Variants in SV2C observed in about 807,000 individuals in gnomAD.
SV2C encodes solute carrier family 22 member B3.
Under a neutral mutation model 79.7 loss-of-function variants are expected in SV2C, and 49 were observed. That is an observed-to-expected ratio of 0.61 (90% CI 0.49 to 0.78). The LOEUF (loss-of-function observed/expected upper bound fraction) is 0.78, where lower values mean the gene tolerates loss of function less well. SV2C is among the 30% of genes least tolerant of loss of function. The pLI is 0.00. For missense variants in SV2C, 833 were observed against 912.9 expected, an observed-to-expected ratio of 0.91 and a Z score of 1.13; for synonymous variants, 334 against 333.2, an observed-to-expected ratio of 1.00 and a Z score of -0.03.
intron 4 of SV2C, among the ~76,000 whole-genome samples, chr5:76,281,856 C>G (rs906619457): frequency 3.3e-5 from 5 of 152,174 alleles, no homozygotes; most frequent in Non-Finnish European, 5.9e-5. Context: ...TTACATTGAG[C>G]CCAACCATAT....
chr5:76,078,139 T>C, the SV2C span, among the ~76,000 whole-genome samples: 1 of 152,084 alleles, frequency 6.6e-6, no homozygotes, highest in Admixed American at 6.5e-5. Context: ...GGAGGAGGGA[T>C]GAAGAATGTT....
chr5:76,278,622 G>T (rs1325987955), intron 4 of SV2C, among the ~76,000 whole-genome samples: 1 of 152,200 alleles, frequency 6.6e-6, no homozygotes, highest in Non-Finnish European at 1.5e-5. Context: ...AAAAGGCTTA[G>T]CCCCCAGGAT....
intron 2 of SV2C, among the ~76,000 whole-genome samples, chr5:76,134,126 C>T (rs934754053): frequency 1.3e-5 from 2 of 152,094 alleles, no homozygotes; most frequent in African/African-American, 4.8e-5. Flanking sequence ...TGATGTTACC[C>T]ACCCCCAGGT....
At chr5:76,185,832 C>G (rs1743898722) in intron 2 of SV2C, among the ~76,000 whole-genome samples, 1 of 152,206 alleles carries the variant, frequency 6.6e-6, no homozygotes, top group Admixed American at 6.5e-5. Flanking sequence ...CCATTGAATT[C>G]AGCTCCTGTT....
chr5:75,955,375 A>G, the SV2C span, among the ~76,000 whole-genome samples: 3 of 151,320 alleles, frequency 2.0e-5, no homozygotes, highest in Non-Finnish European at 4.4e-5. Context: ...CCTTCCTTAC[A>G]CCTTACACAA....
At chr5:76,034,608 C>T in the SV2C span, among the ~76,000 whole-genome samples, 3 of 152,140 alleles carry the variant, frequency 2.0e-5, no homozygotes, top group Non-Finnish European at 4.4e-5. Flanking sequence ...CCCACTTGAT[C>T]ATGGTGGATA....
intron 3 of SV2C, among the ~76,000 whole-genome samples, chr5:76,200,457 G>A (rs148312181): frequency 9.3e-4 from 141 of 152,242 alleles, no homozygotes; most frequent in Middle Eastern, 3.4e-3. Flanking sequence ...TTTTAAACTT[G>A]CAACTCTGTA....
At chr5:76,084,616 C>A (rs1747112426) in intron 1 of SV2C, among the ~76,000 whole-genome samples, 1 of 138,702 alleles carries the variant, frequency 7.2e-6, no homozygotes, top group African/African-American at 2.7e-5. Flanking sequence ...GAGGTGCCGC[C>A]TGGACGGCCT....
intron 2 of SV2C, among the ~76,000 whole-genome samples, chr5:76,178,076 CT>C (rs1190790799): frequency 1.3e-5 from 2 of 152,164 alleles, no homozygotes; most frequent in Non-Finnish European, 2.9e-5. Context: ...GAGCACCTAT[CT>C]GTGACCTCTT....
At chr5:76,287,780 G>A (rs532180240) in intron 6 of SV2C, among the ~76,000 whole-genome samples, 14 of 152,248 alleles carry the variant, frequency 9.2e-5, no homozygotes, top group South Asian at 2.1e-4. Flanking sequence ...TTCAATATAC[G>A]CAGTCATATA....
chr5:75,936,599 G>A, the SV2C span, among the ~76,000 whole-genome samples: 32 of 152,296 alleles, frequency 2.1e-4, no homozygotes, highest in African/African-American at 6.3e-4. Context: ...GCTAACAGAT[G>A]CGTTACTTTG....
chr5:76,021,086 G>T, the SV2C span, among the ~76,000 whole-genome samples: 4 of 152,158 alleles, frequency 2.6e-5, no homozygotes, highest in African/African-American at 9.6e-5. Context: ...TGATTGTTTT[G>T]GTTTTCCACC....
chr5:76,165,880 T>A (rs1743030254), intron 2 of SV2C, among the ~76,000 whole-genome samples: 1 of 152,128 alleles, frequency 6.6e-6, no homozygotes, highest in Non-Finnish European at 1.5e-5. Context: ...AAGCAGGAAC[T>A]GAATTGAGAT....
At chr5:75,982,232 TAAAAAG>T in the SV2C span, among the ~76,000 whole-genome samples, 16 of 109,788 alleles carry the variant, frequency 1.5e-4, no homozygotes, top group East Asian at 3.5e-3. Context: ...ATTAAAAAAA[TAAAAAG>T]AAAAAAAAAA....
intron 4 of SV2C, among the ~76,000 whole-genome samples, chr5:76,278,793 C>T (rs1747096795): frequency 6.6e-6 from 1 of 152,204 alleles, no homozygotes; most frequent in Non-Finnish European, 1.5e-5. Context: ...TCCAAATGTA[C>T]TCAGAGCTGT....
chr5:76,025,190 T>A, the SV2C span, among the ~76,000 whole-genome samples: 1 of 149,372 alleles, frequency 6.7e-6, no homozygotes, highest in East Asian at 1.9e-4. Flanking sequence ...TTTTTTTTTT[T>A]ATGCTGCCCT....
chr5:76,250,399 C>T (rs1370851987), intron 4 of SV2C, among the ~76,000 whole-genome samples: 3 of 152,186 alleles, frequency 2.0e-5, no homozygotes, highest in Non-Finnish European at 2.9e-5. Context: ...CTTTGGCACA[C>T]TGTGGTTTAT....
intron 4 of SV2C, among the ~76,000 whole-genome samples, chr5:76,273,132 T>C (rs546453269): frequency 8.3e-4 from 122 of 146,612 alleles, no homozygotes; most frequent in Non-Finnish European, 1.3e-3. Flanking sequence ...TGCATAAAAA[T>C]CTTTTACAAA....
At chr5:76,205,167 G>A (rs943483999) in intron 3 of SV2C, among the ~76,000 whole-genome samples, 13 of 151,422 alleles carry the variant, frequency 8.6e-5, no homozygotes, top group African/African-American at 2.4e-4. Context: ...GTGTGTGTGT[G>A]TATGTGTGTG....
Sources: gnomAD v4.1 joint callset for allele counts (sites outside exome capture counted in the v4.1 genomes callset) on GRCh38, gnomAD v4.1.1 for gene constraint, MANE v1.5 for transcripts, NCBI Gene and HGNC (gene_info 2026-07-23, HGNC 2026-07-21) for gene names.